The following GPR180 variants were observed in gnomAD, a reference collection of about 807,000 sequenced individuals.
GPR180 encodes G protein-coupled receptor 180.
In GPR180, 53 loss-of-function variants were observed where a neutral mutation model predicts 52.6. That is an observed-to-expected ratio of 1.01 (90% CI 0.81 to 1.27). The LOEUF (loss-of-function observed/expected upper bound fraction) is 1.27, where lower values mean the gene tolerates loss of function less well. Among genes scored for constraint, GPR180 ranks in the 50% most tolerant of loss-of-function variants. GPR180 has a pLI of 0.00. For synonymous variants in GPR180, 200 were observed against 193.1 expected (o/e 1.04, Z -0.30); for missense variants, 533 against 527.0 (o/e 1.01, Z -0.11).
rs1594468766 is a variant in GPR180, at chr13:94,602,029, C to T, written c.102C>T (p.Ala34=). Residue 34 remains alanine (A), a synonymous_variant, in exon 1 of 9, where the codon GCC becomes GCT. Transcript: ENST00000376958. Reference sequence around the variant, plus strand: ...GGGGCAGCTTCAGCAGCACCGCGGCCCAGGACGCCCAGGGCCAGCGCATCG... The same window carrying T: ...GGGGCAGCTTCAGCAGCACCGCGGCTCAGGACGCCCAGGGCCAGCGCATCG... ...TLRGSFSSTA[A]QDAQGQRIGH... 7 of 1,454,350 alleles carry T rather than the reference C, an allele frequency of 4.8e-6. No homozygotes were observed. In the East Asian group the frequency reaches 1.4e-4, roughly 29 times the overall value. 90.1% of individuals were successfully genotyped at this position (1,454,350 alleles called of 1,614,324 possible). A position where few individuals can be genotyped will look rare whatever the true frequency, so the allele number is the denominator to read the frequency against.
intron 7 of GPR180, 121 bp downstream of exon 7, chr13:94,623,421 C>G (rs893785334): frequency 1.4e-6 from 1 of 731,544 alleles, no homozygotes; most frequent in Non-Finnish European, 2.2e-6. Context: ...CACAGTGGCT[C>G]ACTCCTATAA....
chr13:94,624,560 T>A (rs1037506658), intron 7 of GPR180, among the ~76,000 whole-genome samples: 1 of 152,244 alleles, frequency 6.6e-6, no homozygotes, highest in Non-Finnish European at 1.5e-5. Flanking sequence ...ATTTTGCTTT[T>A]TTCGTTGTTG....
At chr13:94,615,030 G>C (rs1040052480) in intron 3 of GPR180, among the ~76,000 whole-genome samples, 4 of 152,162 alleles carry the variant, frequency 2.6e-5, no homozygotes, top group African/African-American at 9.7e-5. Context: ...ACCCATCACT[G>C]TATGCATCTG....
intron 2 of GPR180, among the ~76,000 whole-genome samples, chr13:94,610,919 T>G (rs1179763557): frequency 6.6e-6 from 1 of 152,174 alleles, no homozygotes; most frequent in African/African-American, 2.4e-5. Context: ...CTTACTAATA[T>G]AACTACCTTG....
chr13:94,620,832 T>G (rs1420622455), intron 5 of GPR180, among the ~76,000 whole-genome samples: 1 of 152,180 alleles, frequency 6.6e-6, no homozygotes, highest in African/African-American at 2.4e-5. Flanking sequence ...GGCATATATA[T>G]GTATTTTTAA....
intron 1 of GPR180, 64 bp downstream of exon 1, chr13:94,602,136 G>C: frequency 8.0e-7 from 1 of 1,249,196 alleles, no homozygotes; most frequent in Non-Finnish European, 1.0e-6. Flanking sequence ...TGAGTCCGCC[G>C]GCCGCTCCTC....
intron 7 of GPR180, among the ~76,000 whole-genome samples, chr13:94,625,731 GC>G (rs1279534397): frequency 4.6e-5 from 7 of 152,134 alleles, no homozygotes; most frequent in African/African-American, 1.7e-4. Flanking sequence ...AAATGTGTAT[GC>G]AACAGATTTA....
At position 94,607,592 on chromosome 13, in the gene GPR180, T is replaced by TA. The variant is rs148163169; in HGVS notation, c.304+2044dup. ...TTTCCTGCATAGCACTTACTATAGT[T>TA]ACCACTTTACATTTTATTTATTTGT... On this transcript the variant is annotated intron_variant, in intron 2 of 8. Coordinates refer to ENST00000376958, the MANE Select transcript of GPR180 (RefSeq NM_180989.6). 7.3e-3 allele frequency among the ~76,000 whole-genome samples: 1,109 copies of TA among 152,220 alleles called. 12 individuals are homozygous for TA. Among genetic ancestry groups the TA allele is most frequent in the African/African-American group, 0.025 (1,052 of 41,438 alleles).
chr13:94,613,484 G>A (rs568467844), intron 3 of GPR180, among the ~76,000 whole-genome samples: 6 of 152,074 alleles, frequency 3.9e-5, no homozygotes, highest in Admixed American at 1.3e-4. Context: ...ACGGGGTCTC[G>A]CTATGTTGCC....
chr13:94,625,994 C>T lies in GPR180; in HGVS notation c.1115C>T (p.Pro372Leu). 2 of 1,610,780 alleles carry T rather than the reference C, an allele frequency of 1.2e-6. No homozygotes were observed. The highest frequency in any genetic ancestry group is 2.2e-5 in the South Asian group (2 of 90,788). ...KGCILWFLCH[P>L]VLACISVIFS... ...TGTATCTTGTGGTTTTTATGCCATC[C>T]AGTTCTTGCATGCATTTCTGTCATT... The change falls in exon 8 of 9, where the codon CCA becomes CTA. Residue 372 changes from proline to leucine, a missense_variant. Coordinates refer to ENST00000376958, the MANE Select transcript of GPR180 (RefSeq NM_180989.6).
chr13:94,626,807 A>G (rs996469087), intron 8 of GPR180, among the ~76,000 whole-genome samples: 4 of 152,148 alleles, frequency 2.6e-5, no homozygotes, highest in Non-Finnish European at 5.9e-5. Flanking sequence ...GTCATCTACA[A>G]AATAACTGTT....
At chr13:94,612,607 CAG>C (rs1228195620) in intron 3 of GPR180, among the ~76,000 whole-genome samples, 2 of 152,078 alleles carry the variant, frequency 1.3e-5, no homozygotes, top group African/African-American at 2.4e-5. Context: ...AAGAATAAAA[CAG>C]AAAGAAGCAC....
chr13:94,610,958 A>G (rs748844409), intron 2 of GPR180, among the ~76,000 whole-genome samples: 1 of 152,234 alleles, frequency 6.6e-6, no homozygotes. Context: ...CAGAATTGAC[A>G]TTTAGCAACT....
intron 3 of GPR180, among the ~76,000 whole-genome samples, chr13:94,612,719 G>A (rs1889726911): frequency 6.6e-6 from 1 of 152,152 alleles, no homozygotes; most frequent in Non-Finnish European, 1.5e-5. Flanking sequence ...AACAACTTGT[G>A]TAGTTTATAG....
intron 2 of GPR180, among the ~76,000 whole-genome samples, chr13:94,606,930 C>T (rs1004242102): frequency 2.0e-5 from 3 of 152,352 alleles, no homozygotes; most frequent in Admixed American, 6.5e-5. Flanking sequence ...TTGGTTGTCT[C>T]TTCCTTTCTC....
intron 2 of GPR180, among the ~76,000 whole-genome samples, chr13:94,611,587 T>G (rs1889704537): frequency 6.6e-6 from 1 of 152,038 alleles, no homozygotes; most frequent in Non-Finnish European, 1.5e-5. Flanking sequence ...GTGGCGAGAC[T>G]TGGCACTTTC....
rs1890008329 is a variant in GPR180, at chr13:94,632,242, T to C, written c.*5071T>C. 6.6e-6 allele frequency: 1 copy of C among 152,206 alleles called. No individual in the cohort carries two copies. The highest frequency in any genetic ancestry group is 6.5e-5 in the Admixed American group (1 of 15,280). The allele number at this position is 152,206 out of a possible 1,614,324, so 9.4% of individuals were successfully genotyped here. On this transcript the variant is annotated 3_prime_UTR_variant, in exon 9 of 9. Transcript: ENST00000376958. ...TTTTCTTCTTGTTAAACAGGTAATA[T>C]ATGCACATTGTACAAAAATCAGAAA...
chr13:94,625,458 T>G (rs778369840), intron 7 of GPR180, among the ~76,000 whole-genome samples: 10 of 152,210 alleles, frequency 6.6e-5, no homozygotes, highest in Non-Finnish European at 1.3e-4. Flanking sequence ...AATACATTAC[T>G]AGGTTCAAGG....
In GPR180 at chr13:94,623,219, G is replaced by A. The variant is rs774675091; in HGVS notation, c.1005G>A (p.Leu335=). 8.1e-6 allele frequency: 13 copies of A among 1,613,724 alleles called. No homozygotes were observed. Among genetic ancestry groups the A allele is most frequent in the Non-Finnish European group, 1.0e-5 (12 of 1,179,776 alleles). The stretch of plus-strand genomic sequence containing the variant: ...TTGTTCTAAGAATTTGCCTAGCATT[G>A]TCATTAGGCTGTGGACTCTATCAGA... ...LLIVLRICLA[L]SLGCGLYQII... Residue 335 remains leucine, a synonymous_variant, in exon 7 of 9, where the codon TTG becomes TTA. Coordinates refer to ENST00000376958, the MANE Select transcript of GPR180 (RefSeq NM_180989.6).
Sources: allele counts gnomAD v4.1 joint callset (sites outside exome capture counted in the v4.1 genomes callset), GRCh38; gene constraint gnomAD v4.1.1; transcripts MANE v1.5; gene names NCBI Gene and HGNC (gene_info 2026-07-23, HGNC 2026-07-21).